SCHIP1: variants seen among roughly 807,000 people sequenced by gnomAD.
SCHIP1 encodes schwannomin interacting protein 1.
A neutral mutation model predicts 29.7 loss-of-function variants in SCHIP1; 8 were observed. The ratio of observed to expected loss-of-function variants is 0.27; its 90% CI spans 0.16 to 0.49. The LOEUF (loss-of-function observed/expected upper bound fraction) is 0.49, where lower values mean the gene tolerates loss of function less well. SCHIP1 is among the 20% of genes least tolerant of loss of function. The pLI is 0.99. For missense variants in SCHIP1, 193 were observed against 294.6 expected, an observed-to-expected ratio of 0.66 and a Z score of 2.52; for synonymous variants, 76 against 94.9, an observed-to-expected ratio of 0.80 and a Z score of 1.16.
the SCHIP1 span, among the ~76,000 whole-genome samples, chr3:159,364,288 C>A: frequency 6.6e-6 from 1 of 152,074 alleles, no homozygotes; most frequent in African/African-American, 2.4e-5. Flanking sequence ...GAAGTGAGCA[C>A]ATAGTAGACA....
At chr3:159,782,505 A>T in the SCHIP1 span, among the ~76,000 whole-genome samples, 79,774 of 152,034 alleles carry the variant, frequency 0.52, 21,295 homozygotes, top group East Asian at 0.83. Context: ...TCTATATAAG[A>T]TTTTTTCATA....
At chr3:159,485,795 T>C in the SCHIP1 span, among the ~76,000 whole-genome samples, 1 of 152,218 alleles carries the variant, frequency 6.6e-6, no homozygotes, top group Non-Finnish European at 1.5e-5. Flanking sequence ...ACTTGATAAA[T>C]GGCAGGTGCA....
the SCHIP1 span, among the ~76,000 whole-genome samples, chr3:159,427,105 G>T: frequency 1.1e-4 from 17 of 152,230 alleles, no homozygotes; most frequent in South Asian, 3.5e-3. Context: ...ACTGGAATGG[G>T]CAAAAACTGG....
the SCHIP1 span, among the ~76,000 whole-genome samples, chr3:159,698,507 C>G: frequency 3.3e-5 from 5 of 152,188 alleles, no homozygotes; most frequent in African/African-American, 1.2e-4. Flanking sequence ...ACATCCTGGC[C>G]AAAGGCAGAC....
the SCHIP1 span, among the ~76,000 whole-genome samples, chr3:159,762,292 T>A: frequency 7.2e-5 from 11 of 152,196 alleles, no homozygotes; most frequent in Admixed American, 6.5e-5. Context: ...TTCCTAAGAT[T>A]GCTGCTTCCA....
At chr3:159,311,411 T>C in the SCHIP1 span, among the ~76,000 whole-genome samples, 1 of 152,258 alleles carries the variant, frequency 6.6e-6, no homozygotes, top group African/African-American at 2.4e-5. Context: ...AAACTTAAAT[T>C]TCTAGCTACC....
the SCHIP1 span, among the ~76,000 whole-genome samples, chr3:159,625,874 C>T: frequency 7.2e-5 from 11 of 151,980 alleles, no homozygotes; most frequent in Admixed American, 5.2e-4. Context: ...AACTGTGCTT[C>T]TCCCTACATG....
At chr3:159,714,672 T>A in the SCHIP1 span, among the ~76,000 whole-genome samples, 18 of 152,188 alleles carry the variant, frequency 1.2e-4, no homozygotes, top group Admixed American at 3.3e-4. Context: ...GAGACCAAAC[T>A]GCAAGGCGGC....
the SCHIP1 span, among the ~76,000 whole-genome samples, chr3:159,809,669 A>G: frequency 1.3e-5 from 2 of 151,976 alleles, no homozygotes; most frequent in Non-Finnish European, 1.5e-5. Context: ...TCAAAAAAAA[A>G]AAAAAAAAGA....
the SCHIP1 span, among the ~76,000 whole-genome samples, chr3:159,360,200 G>A: frequency 6.6e-6 from 1 of 152,184 alleles, no homozygotes; most frequent in African/African-American, 2.4e-5. Context: ...TTATGAGCAT[G>A]TAGTCTTACA....
the SCHIP1 span, among the ~76,000 whole-genome samples, chr3:159,390,652 A>C: frequency 2.0e-4 from 30 of 152,286 alleles, 1 homozygote; most frequent in Non-Finnish European, 7.4e-5. Flanking sequence ...TAAAATTCTT[A>C]AATTTTTTCC....
chr3:159,437,610 G>A, the SCHIP1 span, among the ~76,000 whole-genome samples: 2,325 of 151,946 alleles, frequency 0.015, 63 homozygotes, highest in African/African-American at 0.054. Context: ...CGGTGGAGGG[G>A]GAAATTCATC....
the SCHIP1 span, among the ~76,000 whole-genome samples, chr3:159,712,103 C>G: frequency 6.6e-6 from 1 of 152,128 alleles, no homozygotes; most frequent in East Asian, 1.9e-4. Flanking sequence ...TACAAAAAAC[C>G]CCAAGGCAGG....
the SCHIP1 span, among the ~76,000 whole-genome samples, chr3:159,825,829 C>T: frequency 6.6e-6 from 1 of 152,054 alleles, no homozygotes; most frequent in Admixed American, 6.6e-5. Flanking sequence ...AGACAGGGGG[C>T]TAAGGAAAAA....
the SCHIP1 span, among the ~76,000 whole-genome samples, chr3:159,607,921 C>G: frequency 6.6e-6 from 1 of 152,132 alleles, no homozygotes; most frequent in Non-Finnish European, 1.5e-5. Context: ...TGTGGCTTAG[C>G]ATGAAGCACG....
chr3:159,720,085 T>C, the SCHIP1 span, among the ~76,000 whole-genome samples: 2 of 152,058 alleles, frequency 1.3e-5, no homozygotes, highest in African/African-American at 2.4e-5. Flanking sequence ...GTAGGGACAT[T>C]GACGAAGCTG....
At chr3:159,507,863 G>T in the SCHIP1 span, among the ~76,000 whole-genome samples, 3 of 152,162 alleles carry the variant, frequency 2.0e-5, no homozygotes, top group Non-Finnish European at 4.4e-5. Flanking sequence ...GCTGGATTCG[G>T]TTTGCCAGTA....
chr3:159,339,743 T>G, the SCHIP1 span, among the ~76,000 whole-genome samples: 1 of 152,178 alleles, frequency 6.6e-6, no homozygotes, highest in Non-Finnish European at 1.5e-5. Flanking sequence ...CTTCTTAAAA[T>G]TTCAGCTTCC....
chr3:159,351,968 G>GATA, the SCHIP1 span, among the ~76,000 whole-genome samples: 1 of 152,188 alleles, frequency 6.6e-6, no homozygotes, highest in Non-Finnish European at 1.5e-5. Flanking sequence ...CTACTGAGAT[G>GATA]ATAATTTTTT....
Sources: gnomAD v4.1 joint callset for allele counts (sites outside exome capture counted in the v4.1 genomes callset) on GRCh38, gnomAD v4.1.1 for gene constraint, MANE v1.5 for transcripts, NCBI Gene and HGNC (gene_info 2026-07-23, HGNC 2026-07-21) for gene names.